The following TTC39C variants were observed in gnomAD, a reference collection of about 807,000 sequenced individuals.
TTC39C encodes the protein tetratricopeptide repeat domain 39C, also known as tetratricopeptide repeat protein 39C.
TTC39C carries 33 observed loss-of-function variants against 76.3 expected under a neutral mutation model. That is an observed-to-expected ratio of 0.43 (90% confidence interval 0.33 to 0.58). The LOEUF is 0.58. TTC39C is among the 20% of genes least tolerant of loss of function. The pLI, the probability that TTC39C is intolerant of heterozygous loss-of-function variation, is 0.04. For synonymous variants in TTC39C, 254 were observed against 260.6 expected, an observed-to-expected ratio of 0.97 and a Z score of 0.24; for missense variants, 595 against 701.4, an observed-to-expected ratio of 0.85 and a Z score of 1.71.
intron 9 of TTC39C, among the ~76,000 whole-genome samples, chr18:24,124,938 G>A (rs1182798386): frequency 3.3e-5 from 5 of 152,166 alleles, no homozygotes; most frequent in African/African-American, 1.2e-4. Flanking sequence ...CATTGCTCAG[G>A]CTGGAGTGCA....
chr18:23,995,877 T>G (rs1260303773), intron 1 of TTC39C, among the ~76,000 whole-genome samples: 2 of 152,190 alleles, frequency 1.3e-5, no homozygotes, highest in South Asian at 2.1e-4. Context: ...CTCAAAAATT[T>G]ATGAAAAGTT....
intron 8 of TTC39C, among the ~76,000 whole-genome samples, chr18:24,121,505 G>A (rs1324765681): frequency 2.0e-5 from 3 of 152,150 alleles, no homozygotes. Flanking sequence ...CTTGAACCCA[G>A]GAGGCAGAAG....
At chr18:24,124,126 T>C (rs2085014907) in intron 9 of TTC39C, 183 bp downstream of exon 9, 1 of 451,302 alleles carries the variant, frequency 2.2e-6, no homozygotes, top group Non-Finnish European at 3.8e-6. Flanking sequence ...AGAAGATTCT[T>C]GCCTTGCTGC....
intron 1 of TTC39C, among the ~76,000 whole-genome samples, chr18:24,042,965 G>T (rs1424400068): frequency 6.6e-6 from 1 of 152,092 alleles, no homozygotes; most frequent in Non-Finnish European, 1.5e-5. Flanking sequence ...AAATGTCTGT[G>T]TTCAGTGCCT....
intron 6 of TTC39C, among the ~76,000 whole-genome samples, chr18:24,084,568 T>C (rs896485031): frequency 6.6e-6 from 1 of 152,160 alleles, no homozygotes; most frequent in African/African-American, 2.4e-5. Flanking sequence ...GTCCAAATTG[T>C]TTTTGTTCTC....
intron 6 of TTC39C, among the ~76,000 whole-genome samples, chr18:24,090,512 C>T (rs1172490543): frequency 1.3e-5 from 2 of 152,056 alleles, no homozygotes; most frequent in Non-Finnish European, 2.9e-5. Flanking sequence ...GTTAAGATGG[C>T]AGTACTTTCC....
intron 5 of TTC39C, among the ~76,000 whole-genome samples, 155 bp from the exon 6 acceptor site, chr18:24,082,758 A>T (rs1053724230): frequency 6.6e-6 from 1 of 151,290 alleles, no homozygotes; most frequent in Non-Finnish European, 1.5e-5. Context: ...TATTAACATT[A>T]AAATGGGGAA....
intron 6 of TTC39C, among the ~76,000 whole-genome samples, chr18:24,100,030 A>T (rs1041620067): frequency 2.6e-5 from 4 of 152,144 alleles, no homozygotes; most frequent in African/African-American, 9.7e-5. Context: ...TAATCAACTC[A>T]TTTTAAAATT....
Position 24,080,625 on chromosome 18 carries a change from G to A in TTC39C, c.501G>A (p.Lys167=). The A allele has an allele frequency of 6.2e-7, 1 of 1,612,920 alleles. No homozygotes were observed. Among genetic ancestry groups the A allele is most frequent in the Non-Finnish European group, 8.5e-7 (1 of 1,179,396 alleles). Residue 167 remains lysine, a synonymous_variant, in exon 5 of 14, where the codon AAG becomes AAA. Coordinates refer to ENST00000317571, the MANE Select transcript of TTC39C (RefSeq NM_001135993.2). Reference sequence around the variant, plus strand: ...GGTGGATCCTTAGGAAAGCCTGGAAGATTTACAATAAATGCTATCTGGACA... The same window carrying A: ...GGTGGATCCTTAGGAAAGCCTGGAAAATTTACAATAAATGCTATCTGGACA... ...KGGWILRKAW[K]IYNKCYLDIN...
At chr18:24,020,809 T>C (rs1406614249) in intron 1 of TTC39C, among the ~76,000 whole-genome samples, 1 of 152,332 alleles carries the variant, frequency 6.6e-6, no homozygotes, top group East Asian at 1.9e-4. Context: ...GCTGACTGTA[T>C]TGTATTAACC....
At chr18:24,050,858 G>C (rs1471712295) in intron 1 of TTC39C, among the ~76,000 whole-genome samples, 1 of 136,814 alleles carries the variant, frequency 7.3e-6, no homozygotes, top group African/African-American at 2.8e-5. Context: ...GGCAACAAGA[G>C]CAAAACTCCA....
chr18:24,113,464 G>T (rs1216447711), intron 6 of TTC39C: 13 of 642,756 alleles, frequency 2.0e-5, no homozygotes, highest in Non-Finnish European at 3.4e-5. Context: ...GGGATAATGG[G>T]CACTTGGGAG....
intron 1 of TTC39C, among the ~76,000 whole-genome samples, chr18:24,025,314 G>A (rs943672257): frequency 2.0e-5 from 3 of 152,252 alleles, no homozygotes; most frequent in Middle Eastern, 6.8e-3. Context: ...TAATTTATTT[G>A]GCTTTAAATA....
intron 7 of TTC39C, among the ~76,000 whole-genome samples, chr18:24,115,414 A>G (rs1271155076): frequency 2.6e-5 from 4 of 152,240 alleles, no homozygotes; most frequent in African/African-American, 9.6e-5. Flanking sequence ...AAACAAAAAA[A>G]AATTTTAAAT....
intron 6 of TTC39C, among the ~76,000 whole-genome samples, chr18:24,098,989 C>T (rs2084636935): frequency 1.4e-5 from 2 of 139,638 alleles, no homozygotes; most frequent in African/African-American, 5.5e-5. Context: ...CTTTTATTTG[C>T]TAATAAGTTA....
At position 24,080,760 on chromosome 18, in the gene TTC39C, G is replaced by A; in HGVS notation, c.636G>A (p.Leu212=). The A allele has an allele frequency of 6.2e-7, 1 of 1,614,128 alleles. No individual in the cohort carries two copies. Among genetic ancestry groups the A allele is most frequent in the Non-Finnish European group, 8.5e-7 (1 of 1,180,004 alleles). Residue 212 remains leucine, a synonymous_variant, in exon 5 of 14, where the codon CTG becomes CTA. Coordinates refer to ENST00000317571, the MANE Select transcript of TTC39C (RefSeq NM_001135993.2). ...CTGAAGGGGTGTCTGAGGAGTCTCT[G>A]AACAGACTGAAAGGTGCTGTTAGCT... ...IVAEGVSEES[L]NRLKGAVSFG...
intron 1 of TTC39C, among the ~76,000 whole-genome samples, chr18:24,003,059 G>A (rs745429584): frequency 6.6e-6 from 1 of 152,152 alleles, no homozygotes; most frequent in Non-Finnish European, 1.5e-5. Context: ...GAGGCTCCAG[G>A]TAAGGCACAG....
chr18:24,118,228 T>C lies in TTC39C; in HGVS notation c.1182T>C (p.Thr394=). The C allele has an allele frequency of 1.2e-6, 2 of 1,612,450 alleles. No individual in the cohort carries two copies. The highest frequency in any genetic ancestry group is 1.7e-5 in the Admixed American group (1 of 59,784). Residue 394 remains threonine, a synonymous_variant, in exon 8 of 14, where the codon ACT becomes ACC. Transcript: ENST00000317571. Reference sequence around the variant, plus strand: ...CCCAGTGCTATTATGCCTACTTGACTGCAGGTGAGTCGCCCATGGTCCCTC... The same window carrying C: ...CCCAGTGCTATTATGCCTACTTGACCGCAGGTGAGTCGCCCATGGTCCCTC... The part of the protein sequence containing the change: ...RWSQCYYAYL[T]AVCQGATGDV...
chr18:24,015,647 C>T (rs184992017), intron 1 of TTC39C, among the ~76,000 whole-genome samples: 240 of 152,318 alleles, frequency 1.6e-3, no homozygotes, highest in African/African-American at 5.6e-3. Flanking sequence ...ACTCAGTCCT[C>T]AAAATGAGTT....
Sources: gnomAD v4.1 joint callset for allele counts (sites outside exome capture counted in the v4.1 genomes callset) on GRCh38, gnomAD v4.1.1 for gene constraint, MANE v1.5 for transcripts, NCBI Gene and HGNC (gene_info 2026-07-23, HGNC 2026-07-21) for gene names.